Variants in TRPM3 observed in about 807,000 individuals in gnomAD.
TRPM3 encodes the protein long transient receptor potential channel 3.
In TRPM3, 77 loss-of-function variants were observed where a neutral mutation model predicts 181.2. That is an observed-to-expected ratio of 0.42 (90% CI 0.35 to 0.51). The LOEUF is 0.51. Ranked by LOEUF, TRPM3 falls within the 20% of genes least tolerant of loss-of-function variation. The pLI, the probability that TRPM3 is intolerant of heterozygous loss-of-function variation, is 0.01. For missense variants in TRPM3, 1,759 were observed against 2,196.7 expected (o/e 0.80, Z 3.98); for synonymous variants, 745 against 796.4 (o/e 0.94, Z 1.09).
chr9:71,169,510 G>A (rs997997396), intron 1 of TRPM3, among the ~76,000 whole-genome samples: 1 of 152,108 alleles, frequency 6.6e-6, no homozygotes, highest in Non-Finnish European at 1.5e-5. Context: ...TGTCTTGATA[G>A]AACCAAAAAA....
intron 18 of TRPM3, among the ~76,000 whole-genome samples, 163 bp from the exon 19 acceptor site, chr9:70,610,912 C>T (rs2061905527): frequency 6.6e-6 from 1 of 152,144 alleles, no homozygotes; most frequent in Non-Finnish European, 1.5e-5. Flanking sequence ...TTGCACTACA[C>T]GTATAATCTG....
At chr9:71,027,567 A>C (rs540279513) in intron 1 of TRPM3, among the ~76,000 whole-genome samples, 1 of 152,340 alleles carries the variant, frequency 6.6e-6, no homozygotes, top group East Asian at 1.9e-4. Context: ...AAGAATCACA[A>C]TAAAATGTTA....
At chr9:71,193,202 C>T (rs1166141997) in intron 1 of TRPM3, among the ~76,000 whole-genome samples, 1 of 151,038 alleles carries the variant, frequency 6.6e-6, no homozygotes, top group Non-Finnish European at 1.5e-5. Flanking sequence ...GTGAAATCAT[C>T]TCCCTCTCTC....
intron 3 of TRPM3, among the ~76,000 whole-genome samples, chr9:70,856,641 C>A (rs78183891): frequency 2.6e-5 from 4 of 152,102 alleles, no homozygotes; most frequent in African/African-American, 9.7e-5. Context: ...ACACCCACAA[C>A]GCCCAGAGAA....
intron 1 of TRPM3, among the ~76,000 whole-genome samples, chr9:70,929,843 C>G (rs1377432489): frequency 2.0e-5 from 3 of 152,180 alleles, no homozygotes; most frequent in Non-Finnish European, 2.9e-5. Flanking sequence ...ACCCCTGCCT[C>G]TATTCCCTAT....
intron 1 of TRPM3, among the ~76,000 whole-genome samples, chr9:71,152,868 C>G (rs1312192617): frequency 6.6e-6 from 1 of 152,174 alleles, no homozygotes; most frequent in African/African-American, 2.4e-5. Flanking sequence ...ATTTCAGGCA[C>G]TGTGTTTGGT....
At chr9:71,266,197 T>C (rs1321916321) in intron 1 of TRPM3, among the ~76,000 whole-genome samples, 1 of 152,186 alleles carries the variant, frequency 6.6e-6, no homozygotes, top group African/African-American at 2.4e-5. Context: ...AAGAGAAGCT[T>C]TTCTGGGTTC....
chr9:71,181,578 G>A (rs1341755079), intron 1 of TRPM3, among the ~76,000 whole-genome samples: 1 of 152,056 alleles, frequency 6.6e-6, no homozygotes, highest in Non-Finnish European at 1.5e-5. Flanking sequence ...ACAATGAGAA[G>A]CATTTTACAA....
intron 21 of TRPM3, among the ~76,000 whole-genome samples, chr9:70,593,529 T>G (rs2058485374): frequency 6.6e-6 from 1 of 152,206 alleles, no homozygotes; most frequent in Admixed American, 6.5e-5. Context: ...ATACAGAAAC[T>G]GTTCTAATTT....
In TRPM3 at chr9:70,998,180, TATAC is replaced by T. The variant is rs1200298098; in HGVS notation, c.177+122994_177+122997del. Among the ~76,000 whole-genome samples the T allele has an allele frequency of 3.9e-3, 577 of 146,510 alleles. 5 individuals carry two copies. The highest frequency in any genetic ancestry group is 0.014 in the African/African-American group (551 of 40,322). ...ACATATATACATATATACACATATATATACATATATACACATATATACATATATA... is the reference window on the plus strand; with the variant it reads ...ACATATATACATATATACACATATATATATATACACATATATACATATATA... On this transcript the variant is annotated intron_variant, in intron 1 of 25. Transcript: ENST00000677713.
At chr9:71,054,215 G>T (rs1433876536) in intron 1 of TRPM3, among the ~76,000 whole-genome samples, 2 of 152,058 alleles carry the variant, frequency 1.3e-5, no homozygotes, top group Non-Finnish European at 2.9e-5. Context: ...ACCACCCAGT[G>T]GTTGTACTGA....
intron 8 of TRPM3, among the ~76,000 whole-genome samples, chr9:70,757,205 C>T (rs2077236168): frequency 6.6e-6 from 1 of 152,204 alleles, no homozygotes; most frequent in African/African-American, 2.4e-5. Context: ...ACTATAAACA[C>T]ATCTATGCAA....
intron 9 of TRPM3, among the ~76,000 whole-genome samples, chr9:70,677,659 G>A (rs2064351948): frequency 6.6e-6 from 1 of 152,162 alleles, no homozygotes; most frequent in Admixed American, 6.5e-5. Context: ...ATACTTCACT[G>A]AGCCTAAGCA....
chr9:71,121,599 G>A lies in TRPM3; in HGVS notation c.-245C>T. On this transcript the variant is annotated 5_prime_UTR_variant, in exon 1 of 26. Coordinates refer to ENST00000677713, the MANE Select transcript of TRPM3 (RefSeq NM_001366145.2). ...CTGCACAAAACAGCCTGTGGTCGGA[G>A]TCAAAGCAGCCTGCTCCAGAATGCG... 7.9e-7 allele frequency: 1 copy of A among 1,273,714 alleles called. No homozygotes were observed. Among genetic ancestry groups the A allele is most frequent in the Non-Finnish European group, 9.9e-7 (1 of 1,009,780 alleles). 78.9% of individuals were successfully genotyped at this position (1,273,714 alleles called of 1,614,324 possible).
chr9:71,112,624 A>T (rs2071372962), intron 1 of TRPM3, among the ~76,000 whole-genome samples: 1 of 152,190 alleles, frequency 6.6e-6, no homozygotes, highest in African/African-American at 2.4e-5. Flanking sequence ...GATATAATTC[A>T]TCTAACACCC....
intron 3 of TRPM3, among the ~76,000 whole-genome samples, chr9:70,859,331 A>G (rs1182880513): frequency 6.6e-6 from 1 of 151,952 alleles, no homozygotes; most frequent in African/African-American, 2.4e-5. Flanking sequence ...GTGGAGCACA[A>G]TGGAAGATCT....
chr9:70,653,311 T>A (rs571097525), intron 9 of TRPM3, among the ~76,000 whole-genome samples: 7 of 151,886 alleles, frequency 4.6e-5, no homozygotes, highest in Admixed American at 2.6e-4. Context: ...AATGGAGACA[T>A]GGAGAGAATA....
intron 1 of TRPM3, among the ~76,000 whole-genome samples, chr9:70,905,932 C>T (rs2133079435): frequency 6.6e-6 from 1 of 152,134 alleles, no homozygotes; most frequent in Non-Finnish European, 1.5e-5. Flanking sequence ...GTGACAGGGT[C>T]TCACTATTGT....
intron 1 of TRPM3, among the ~76,000 whole-genome samples, chr9:71,317,032 C>T (rs983309765): frequency 6.6e-6 from 1 of 152,068 alleles, no homozygotes; most frequent in Non-Finnish European, 1.5e-5. Context: ...TAAACCATAT[C>T]CCCTATGTTA....
Sources: gnomAD v4.1 joint callset for allele counts (sites outside exome capture counted in the v4.1 genomes callset) on GRCh38, gnomAD v4.1.1 for gene constraint, MANE v1.5 for transcripts, NCBI Gene and HGNC (gene_info 2026-07-23, HGNC 2026-07-21) for gene names.